Variants in MAGI2 observed in about 807,000 individuals in gnomAD.
MAGI2 encodes the protein membrane-associated guanylate kinase, WW and PDZ domain-containing protein 2.
MAGI2 carries 35 observed loss-of-function variants against 133.3 expected under a neutral mutation model. The ratio of observed to expected loss-of-function variants is 0.26; its 90% CI spans 0.20 to 0.35. The LOEUF is 0.35. Among genes scored for constraint, MAGI2 ranks in the 10% least tolerant of loss-of-function variants. The probability of loss-of-function intolerance (pLI) is 1.00; values close to 1 mark genes in which losing one functional copy is unlikely to be tolerated. For missense variants in MAGI2, 1,636 were observed against 1,863.4 expected (o/e 0.88, Z 2.25); for synonymous variants, 729 against 710.6 (o/e 1.03, Z -0.41).
intron 19 of MAGI2, 51 bp downstream of exon 19, chr7:78,127,146 G>A (rs1821065337): frequency 7.2e-7 from 1 of 1,379,458 alleles, no homozygotes; most frequent in Admixed American, 2.3e-5. Flanking sequence ...ATTCCTTGCA[G>A]TTCTCTGGAA....
At chr7:79,311,837 G>A (rs1436159292) in intron 1 of MAGI2, among the ~76,000 whole-genome samples, 4 of 151,878 alleles carry the variant, frequency 2.6e-5, no homozygotes, top group Admixed American at 1.3e-4. Context: ...ACTCTATACC[G>A]CAAGCTACTT....
intron 6 of MAGI2, among the ~76,000 whole-genome samples, chr7:78,449,293 A>C (rs990527): frequency 0.88 from 133,630 of 151,972 alleles, 58,835 homozygotes; most frequent in East Asian, 0.94. Context: ...TTGGTCATTA[A>C]TACACTACCG....
At chr7:78,772,859 A>G (rs1460134974) in intron 2 of MAGI2, among the ~76,000 whole-genome samples, 1 of 152,264 alleles carries the variant, frequency 6.6e-6, no homozygotes. Flanking sequence ...AAAATGTTAT[A>G]GGAAAAAAAC....
At position 78,489,861 on chromosome 7, in the gene MAGI2, T is replaced by C. The variant is rs372243656; in HGVS notation, c.966-21A>G. On this transcript the variant is annotated intron_variant, in intron 5 of 21. Coordinates refer to ENST00000354212, the MANE Select transcript of MAGI2 (RefSeq NM_012301.4). ...TATGGCTGAAAAGAAAAGAGATCAC[T>C]CTGAACAGACACATACTAAAAGGAA... 11 of 1,580,870 alleles carry C rather than the reference T, an allele frequency of 7.0e-6. No homozygotes were observed. In the Admixed American group the frequency reaches 8.4e-5, roughly 12 times the overall value.
At chr7:78,310,179 G>A (rs1051391529) in intron 9 of MAGI2, among the ~76,000 whole-genome samples, 3 of 152,152 alleles carry the variant, frequency 2.0e-5, no homozygotes, top group African/African-American at 4.8e-5. Flanking sequence ...GCTCACAACT[G>A]TAATCCCAGC....
chr7:78,991,329 C>A (rs1805760529), intron 2 of MAGI2, among the ~76,000 whole-genome samples: 3 of 151,816 alleles, frequency 2.0e-5, no homozygotes, highest in African/African-American at 7.3e-5. Flanking sequence ...CACACACACA[C>A]ACACACACAC....
chr7:78,309,139 A>T (rs191529324), intron 9 of MAGI2, among the ~76,000 whole-genome samples: 165 of 152,356 alleles, frequency 1.1e-3, no homozygotes, highest in African/African-American at 3.8e-3. Context: ...AGATGTCTCA[A>T]ATAACTTAAA....
chr7:78,579,625 T>G (rs1563198047), intron 3 of MAGI2, among the ~76,000 whole-genome samples: 1 of 152,188 alleles, frequency 6.6e-6, no homozygotes, highest in Non-Finnish European at 1.5e-5. Context: ...ACAAGTTGCT[T>G]CCCCTAGAGA....
chr7:78,362,359 G>T (rs990402806), intron 7 of MAGI2, among the ~76,000 whole-genome samples: 41 of 152,142 alleles, frequency 2.7e-4, no homozygotes, highest in Admixed American at 2.7e-3. Context: ...AAGTAAAATG[G>T]TAGTTGAAAA....
At chr7:79,418,736 C>T (rs4730815) in intron 1 of MAGI2, among the ~76,000 whole-genome samples, 37,499 of 151,158 alleles carry the variant, frequency 0.25, 6,664 homozygotes, top group African/African-American at 0.51. Context: ...GAACCTGCAA[C>T]TGATAAATAT....
intron 1 of MAGI2, among the ~76,000 whole-genome samples, chr7:79,194,417 A>G (rs1375724690): frequency 6.6e-6 from 1 of 151,908 alleles, no homozygotes; most frequent in Non-Finnish European, 1.5e-5. Flanking sequence ...AAATGTAACA[A>G]CTGTTTTAGA....
chr7:78,746,310 T>C (rs1446782864), intron 2 of MAGI2, among the ~76,000 whole-genome samples: 1 of 152,198 alleles, frequency 6.6e-6, no homozygotes, highest in Non-Finnish European at 1.5e-5. Context: ...GCAGTAATAC[T>C]AACGAAGTCA....
intron 4 of MAGI2, among the ~76,000 whole-genome samples, chr7:78,503,170 C>A (rs1427462682): frequency 6.6e-6 from 1 of 152,068 alleles, no homozygotes; most frequent in Non-Finnish European, 1.5e-5. Context: ...AATCCAAGAA[C>A]TTAACTCTAC....
At chr7:78,888,876 G>A (rs951582485) in intron 2 of MAGI2, among the ~76,000 whole-genome samples, 23 of 152,330 alleles carry the variant, frequency 1.5e-4, no homozygotes, top group Admixed American at 5.2e-4. Context: ...AAAGCTGGAT[G>A]GAGAATGACT....
chr7:78,731,625 G>A (rs1821373204), intron 2 of MAGI2, among the ~76,000 whole-genome samples: 1 of 152,112 alleles, frequency 6.6e-6, no homozygotes, highest in Admixed American at 6.5e-5. Context: ...AGCTCTGGAA[G>A]TCACACATTT....
intron 2 of MAGI2, among the ~76,000 whole-genome samples, chr7:78,943,347 A>G (rs1799001): frequency 0.075 from 11,367 of 152,214 alleles, 431 homozygotes; most frequent in African/African-American, 0.099. Flanking sequence ...TGGGATTTTC[A>G]TATGGGTTAT....
rs558982554 is a variant in MAGI2 at position 78,171,313 on chromosome 7, T to C, written c.2404-3205A>G. Among the ~76,000 whole-genome samples, 6 of 152,356 alleles carry C rather than the reference T, an allele frequency of 3.9e-5. No individual in the cohort carries two copies. The South Asian group carries it at 1.2e-3, about 32-fold the overall frequency. ...TACATTCTCATGTTGCTTAAGCTTT[T>C]GCGAACATGCTTCAGGATATCTGAC... On this transcript the variant is annotated intron_variant, in intron 14 of 21. Coordinates refer to ENST00000354212, the MANE Select transcript of MAGI2 (RefSeq NM_012301.4).
chr7:78,204,479 C>T (rs567901641), intron 10 of MAGI2, among the ~76,000 whole-genome samples: 1 of 152,196 alleles, frequency 6.6e-6, no homozygotes, highest in Non-Finnish European at 1.5e-5. Flanking sequence ...CACTATAAAA[C>T]CAAGTTTATA....
intron 2 of MAGI2, among the ~76,000 whole-genome samples, chr7:78,818,798 C>G (rs924361863): frequency 6.6e-6 from 1 of 151,924 alleles, no homozygotes; most frequent in Non-Finnish European, 1.5e-5. Context: ...AGTTATCATC[C>G]CCAAATGCAC....
Sources: gnomAD v4.1 joint callset for allele counts (sites outside exome capture counted in the v4.1 genomes callset) on GRCh38, gnomAD v4.1.1 for gene constraint, MANE v1.5 for transcripts, NCBI Gene and HGNC (gene_info 2026-07-23, HGNC 2026-07-21) for gene names.